The following DOCK3 variants were observed in gnomAD, a reference collection of about 807,000 sequenced individuals.
DOCK3 encodes the protein dedicator of cytokinesis protein 3.
A neutral mutation model predicts 265.6 loss-of-function variants in DOCK3; 60 were observed. The ratio of observed to expected loss-of-function variants is 0.23; its 90% CI spans 0.18 to 0.28. The LOEUF is 0.28. Ranked by LOEUF, DOCK3 falls within the 10% of genes least tolerant of loss-of-function variation. The pLI, the probability that DOCK3 is intolerant of heterozygous loss-of-function variation, is 1.00. For missense variants in DOCK3, 1,981 were observed against 2,594.3 expected (o/e 0.76, Z 5.14); for synonymous variants, 881 against 938.0 (o/e 0.94, Z 1.11).
intron 23 of DOCK3, among the ~76,000 whole-genome samples, chr3:51,268,727 GCTTC>G (rs1314303411): frequency 1.3e-5 from 2 of 152,012 alleles, no homozygotes; most frequent in Non-Finnish European, 2.9e-5. Flanking sequence ...GTACCTTAAG[GCTTC>G]CTTGACTCTG....
At chr3:51,267,218 T>C (rs1452546049) in intron 23 of DOCK3, among the ~76,000 whole-genome samples, 11 of 152,068 alleles carry the variant, frequency 7.2e-5, no homozygotes, top group Non-Finnish European at 4.4e-5. Flanking sequence ...ACACTGTTGG[T>C]GGAAGTGTAA....
chr3:51,361,823 G>T lies in DOCK3; in HGVS notation c.5007-36G>T. Reference sequence around the variant, plus strand: ...ACTGTCCCCCTGCCACCTGCCATGGGCCTGACTCCTCCCTATTTCCCACTC... The same window carrying T: ...ACTGTCCCCCTGCCACCTGCCATGGTCCTGACTCCTCCCTATTTCCCACTC... On this transcript the variant is annotated intron_variant, in intron 47 of 52. Coordinates refer to ENST00000266037, the MANE Select transcript of DOCK3 (RefSeq NM_004947.5). This position sits in a 1 kb window ranked among gnomAD's most constrained non-coding sequence, Gnocchi z 4.2. 1 of 1,603,240 alleles carries T rather than the reference G, an allele frequency of 6.2e-7. No individual in the cohort carries two copies. The highest frequency in any genetic ancestry group is 1.1e-5 in the South Asian group (1 of 88,672).
chr3:51,243,276 T>C (rs2108534719), intron 21 of DOCK3, among the ~76,000 whole-genome samples: 1 of 152,292 alleles, frequency 6.6e-6, no homozygotes, highest in South Asian at 2.1e-4. Context: ...CTACCACTTC[T>C]CTAAGCAGCT....
At chr3:51,025,370 G>A (rs1186896411) in intron 5 of DOCK3, among the ~76,000 whole-genome samples, 1 of 152,098 alleles carries the variant, frequency 6.6e-6, no homozygotes, top group Admixed American at 6.5e-5. Context: ...GCAGCAGTGA[G>A]CCTTACCTAG....
At chr3:51,270,739 T>C (rs2080449997) in intron 23 of DOCK3, 76 bp from the exon 24 acceptor site, 1 of 1,449,044 alleles carries the variant, frequency 6.9e-7, no homozygotes, top group African/African-American at 1.4e-5. Context: ...CTCACCACCT[T>C]GTATCATTGT....
intron 3 of DOCK3, among the ~76,000 whole-genome samples, chr3:50,889,407 G>A (rs896701388): frequency 4.0e-5 from 6 of 151,162 alleles, no homozygotes; most frequent in Non-Finnish European, 8.8e-5. Flanking sequence ...TATTTAAAGA[G>A]CATTTTATAC....
intron 1 of DOCK3, among the ~76,000 whole-genome samples, chr3:50,734,883 G>A (rs987981650): frequency 6.6e-6 from 1 of 152,036 alleles, no homozygotes; most frequent in Non-Finnish European, 1.5e-5. Context: ...GATTACAGGC[G>A]TCAGCCACCG....
intron 4 of DOCK3, among the ~76,000 whole-genome samples, chr3:50,905,232 C>G (rs573016225): frequency 6.6e-6 from 1 of 152,184 alleles, no homozygotes; most frequent in Non-Finnish European, 1.5e-5. Flanking sequence ...TTAGGATTGT[C>G]TTGGCAATGT....
intron 5 of DOCK3, among the ~76,000 whole-genome samples, chr3:50,938,460 G>A (rs964274080): frequency 6.6e-6 from 1 of 151,996 alleles, no homozygotes; most frequent in African/African-American, 2.4e-5. Context: ...ATAAAATCAG[G>A]ATACAGATTC....
At chr3:50,799,733 T>TCC (rs1559653208) in intron 2 of DOCK3, among the ~76,000 whole-genome samples, 2 of 152,312 alleles carry the variant, frequency 1.3e-5, no homozygotes, top group South Asian at 4.1e-4. Flanking sequence ...GGCTAGGACA[T>TCC]CTAGTGCTAT....
In DOCK3 at chr3:51,101,696, G is replaced by T. The variant is rs186384852; in HGVS notation, c.746+11312G>T. ...GGTAACATTTATCAAATGAACAAATGACTTATTATAAACTCTCAAGATGGA... is the reference window on the plus strand; with the variant it reads ...GGTAACATTTATCAAATGAACAAATTACTTATTATAAACTCTCAAGATGGA... On this transcript the variant is annotated intron_variant, in intron 9 of 52. Transcript: ENST00000266037. Among the ~76,000 whole-genome samples, 10 of 152,236 alleles carry T rather than the reference G, an allele frequency of 6.6e-5. No individual in the cohort carries two copies. The South Asian group carries it at 1.7e-3, about 25-fold the overall frequency.
chr3:51,098,556 G>A (rs1328393275), intron 9 of DOCK3, among the ~76,000 whole-genome samples: 1 of 152,198 alleles, frequency 6.6e-6, no homozygotes, highest in African/African-American at 2.4e-5. Flanking sequence ...TTAAAATGAT[G>A]GGCGAGCACT....
intron 4 of DOCK3, among the ~76,000 whole-genome samples, chr3:50,920,421 T>C (rs1171030843): frequency 6.6e-6 from 1 of 152,218 alleles, no homozygotes. Context: ...TGCCTCAATT[T>C]CAGAGCCTAT....
At chr3:50,683,289 C>A (rs972542373) in intron 1 of DOCK3, among the ~76,000 whole-genome samples, 18 of 152,316 alleles carry the variant, frequency 1.2e-4, no homozygotes, top group African/African-American at 4.1e-4. Context: ...AACATTAACA[C>A]TGTATTTAGC....
chr3:51,115,393 C>A (rs1411924277), intron 9 of DOCK3, among the ~76,000 whole-genome samples: 1 of 152,142 alleles, frequency 6.6e-6, no homozygotes, highest in African/African-American at 2.4e-5. Context: ...CTCTAATGAC[C>A]AGTGATGATG....
chr3:50,978,466 G>A (rs1219848246), intron 5 of DOCK3, among the ~76,000 whole-genome samples: 16 of 152,216 alleles, frequency 1.1e-4, no homozygotes, highest in Non-Finnish European at 1.9e-4. Context: ...CGGGGGTCAG[G>A]TGTCAGGGAC....
intron 7 of DOCK3, among the ~76,000 whole-genome samples, chr3:51,084,538 G>T (rs566629418): frequency 6.6e-6 from 1 of 152,180 alleles, no homozygotes; most frequent in East Asian, 1.9e-4. Flanking sequence ...AATCTTTCTA[G>T]ACAAGCAAAA....
chr3:51,201,317 A>T (rs1485779272), intron 12 of DOCK3, among the ~76,000 whole-genome samples: 5 of 151,410 alleles, frequency 3.3e-5, no homozygotes, highest in Non-Finnish European at 7.4e-5. Flanking sequence ...TCAAAATAAA[A>T]GGATGGAGGA....
chr3:51,201,302 T>G (rs1398976074), intron 12 of DOCK3, among the ~76,000 whole-genome samples: 1 of 150,770 alleles, frequency 6.6e-6, no homozygotes, highest in Non-Finnish European at 1.5e-5. Context: ...GAGACACACA[T>G]AGGCTCAAAA....
Sources: allele counts gnomAD v4.1 joint callset (sites outside exome capture counted in the v4.1 genomes callset), GRCh38; gene constraint gnomAD v4.1.1; non-coding constraint Gnocchi (gnomAD v3.1); transcripts MANE v1.5; gene names NCBI Gene and HGNC (gene_info 2026-07-23, HGNC 2026-07-21).